Variants in RFX2 observed in about 807,000 individuals in gnomAD.
The protein encoded by RFX2 is regulatory factor X2.
Under a neutral mutation model 87.8 loss-of-function variants are expected in RFX2, and 20 were observed. The ratio of observed to expected loss-of-function variants is 0.23; its 90% CI spans 0.16 to 0.33. The LOEUF (loss-of-function observed/expected upper bound fraction) is 0.33, where lower values mean the gene tolerates loss of function less well. Ranked by LOEUF, RFX2 falls within the 10% of genes least tolerant of loss-of-function variation. The pLI, the probability that RFX2 is intolerant of heterozygous loss-of-function variation, is 1.00. For missense variants in RFX2, 767 were observed against 1,012.3 expected, an observed-to-expected ratio of 0.76 and a Z score of 3.29; for synonymous variants, 397 against 431.3, an observed-to-expected ratio of 0.92 and a Z score of 0.98.
chr19:6,005,662 G>A (rs990728550), intron 12 of RFX2, among the ~76,000 whole-genome samples: 3 of 152,226 alleles, frequency 2.0e-5, no homozygotes, highest in African/African-American at 4.8e-5. Flanking sequence ...ATCACAGGGT[G>A]GGGCGCTGGG....
chr19:6,109,959 G>A (rs932697296), intron 1 of RFX2, among the ~76,000 whole-genome samples: 1 of 151,058 alleles, frequency 6.6e-6, no homozygotes, highest in Non-Finnish European at 1.5e-5. Context: ...GTAAAAGAGG[G>A]GTCCTTGGGT....
At chr19:6,096,888 G>T (rs2088038032) in intron 1 of RFX2, among the ~76,000 whole-genome samples, 1 of 152,214 alleles carries the variant, frequency 6.6e-6, no homozygotes, top group African/African-American at 2.4e-5. Flanking sequence ...TAAGGCCATT[G>T]TTGAGGGCAG....
At chr19:6,019,509 A>AGT (rs1363381067) in intron 6 of RFX2, among the ~76,000 whole-genome samples, 71 of 69,908 alleles carry the variant, frequency 1.0e-3, no homozygotes, top group East Asian at 4.0e-3. Flanking sequence ...TTAGTGTGTG[A>AGT]GTATGTGTGT....
In RFX2 at chr19:6,044,275, A is replaced by G. The variant is rs1363983138; in HGVS notation, c.98T>C (p.Leu33Ser). 1 of 1,553,274 alleles carries G rather than the reference A, an allele frequency of 6.4e-7. No individual in the cohort carries two copies. Among genetic ancestry groups the G allele is most frequent in the Non-Finnish European group, 8.7e-7 (1 of 1,148,846 alleles). ...GGGATTGGAGCTGGCTGCCTGGACC[A>G]ACACCCTCTAAAAGGGAAGGGAGAG... ...PPVPASPQRV[L>S]VQAASSNPKG... is the part of the protein sequence containing the mutation. The change falls in exon 3 of 18, where the codon TTG becomes TCG. Residue 33 changes from leucine to serine, a missense_variant. By Grantham distance (145) the Leu-to-Ser change is moderately radical. Coordinates refer to ENST00000303657, the MANE Select transcript of RFX2 (RefSeq NM_000635.4). The surrounding 1 kb of genome is among the most constrained non-coding windows in gnomAD (Gnocchi z 5.3).
At chr19:6,057,352 G>A (rs528575906) in intron 1 of RFX2, 2 of 152,476 alleles carry the variant, frequency 1.3e-5, no homozygotes, top group East Asian at 3.9e-4. Flanking sequence ...CCATCACCTA[G>A]TAACCAGCAA....
At position 6,017,702 on chromosome 19, in the gene RFX2, C is replaced by T. The variant is rs944424361; in HGVS notation, c.598-1431G>A. Among the ~76,000 whole-genome samples the T allele has an allele frequency of 6.6e-6, 1 of 152,120 alleles. No individual in the cohort carries two copies. The highest frequency in any genetic ancestry group is 1.5e-5 in the Non-Finnish European group (1 of 68,020). ...TCCGAAGGGCTCCTGCTGCCTGGGC[C>T]CTTCAGAGTGGGCAGTGCTGGGTCC... On this transcript the variant is annotated intron_variant, in intron 6 of 17. Transcript: ENST00000303657. The surrounding 1 kb of genome is among the most constrained non-coding windows in gnomAD (Gnocchi z 4.1).
intron 1 of RFX2, among the ~76,000 whole-genome samples, chr19:6,106,111 G>A (rs1387964371): frequency 6.6e-6 from 1 of 152,020 alleles, no homozygotes; most frequent in Admixed American, 6.5e-5. Context: ...CTTCATTCTG[G>A]GTCTTCCCCT....
chr19:5,995,569 G>A (rs780136159), intron 17 of RFX2, 32 bp downstream of exon 17: 23 of 1,549,720 alleles, frequency 1.5e-5, no homozygotes, highest in Non-Finnish European at 1.8e-5. Context: ...CTCCTGGGAG[G>A]GTCGTGGTGG....
Position 6,044,046 on chromosome 19 carries a change from C to T in RFX2, c.180+147G>A, listed in dbSNP as rs988884393. 2.3e-6 allele frequency: 1 copy of T among 428,842 alleles called. No homozygotes were observed. Among genetic ancestry groups the T allele is most frequent in the African/African-American group, 2.0e-5 (1 of 48,810 alleles). 26.6% of individuals were successfully genotyped at this position (428,842 alleles called of 1,614,324 possible). Reference sequence around the variant, plus strand: ...AAATGATTTTTTTAAAATTGCACAGCTTCTGGAAAAGTCTTTTGGCTAAGA... The same window carrying T: ...AAATGATTTTTTTAAAATTGCACAGTTTCTGGAAAAGTCTTTTGGCTAAGA... On this transcript the variant is annotated intron_variant, in intron 3 of 17. Transcript: ENST00000303657. The surrounding 1 kb of genome is among the most constrained non-coding windows in gnomAD (Gnocchi z 5.3).
rs891669065 is a variant in RFX2 at position 5,993,276 on chromosome 19, A to C, written c.*1559T>G. ...AGGAGAGGAGATGTATATTTTAAAGACATTCTTTCTGTCTGATTTCAACTA... is the reference window on the plus strand; with the variant it reads ...AGGAGAGGAGATGTATATTTTAAAGCCATTCTTTCTGTCTGATTTCAACTA... On this transcript the variant is annotated 3_prime_UTR_variant, in exon 18 of 18. Transcript: ENST00000303657. The C allele has an allele frequency of 1.3e-5, 2 of 152,200 alleles. No homozygotes were observed. Among genetic ancestry groups the C allele is most frequent in the Non-Finnish European group, 2.9e-5 (2 of 68,030 alleles). 9.4% of individuals were successfully genotyped at this position (152,200 alleles called of 1,614,324 possible). A position where few individuals can be genotyped will look rare whatever the true frequency, so the allele number is the denominator to read the frequency against.
chr19:6,040,049 A>G lies in RFX2; in HGVS notation c.453T>C (p.Tyr151=). The change falls in exon 5 of 18, where the codon TAT becomes TAC. Residue 151 remains tyrosine, a synonymous_variant. Transcript: ENST00000303657. The surrounding 1 kb of genome is among the most constrained non-coding windows in gnomAD (Gnocchi z 6.1). ...GSPIVSSAGA[Y]LIHGGMDSTR... ...TGCTGTCCATCCCCCCGTGGATGAG[A>G]TAGGCTCCCGCGCTGGAGACGATGG... is the stretch of plus-strand genomic sequence containing the variant. 1 of 1,611,130 alleles carries G rather than the reference A, an allele frequency of 6.2e-7. No individual in the cohort carries two copies. The highest frequency in any genetic ancestry group is 1.7e-5 in the Admixed American group (1 of 59,698).
chr19:6,035,850 G>GTGTGTGTGT lies in RFX2; in HGVS notation c.522+4129_522+4130insACACACACA, dbSNP rs1555776253. On this transcript the variant is annotated intron_variant, in intron 5 of 17. Coordinates refer to ENST00000303657, the MANE Select transcript of RFX2 (RefSeq NM_000635.4). ...ATGACTCCCCCAGAGCTTGGTGGGG[G>GTGTGTGTGT]GTGTGTGTGTGTGTGTGTGTGTGTG... is the stretch of plus-strand genomic sequence containing the variant. 7.5e-3 allele frequency among the ~76,000 whole-genome samples: 1,026 copies of GTGTGTGTGT among 137,226 alleles called. 8 individuals carry two copies. Among genetic ancestry groups the GTGTGTGTGT allele is most frequent in the Middle Eastern group, 0.016 (4 of 246 alleles). The allele number at this position is 137,226 out of a possible 152,430, so 90.0% of individuals were successfully genotyped here. A position where few individuals can be genotyped will look rare whatever the true frequency, so the allele number is the denominator to read the frequency against.
At chr19:6,071,398 A>G (rs2087604500) in intron 1 of RFX2, among the ~76,000 whole-genome samples, 1 of 151,898 alleles carries the variant, frequency 6.6e-6, no homozygotes, top group South Asian at 2.1e-4. Context: ...GTGATCGTCT[A>G]TCTTTGAGGC....
intron 1 of RFX2, among the ~76,000 whole-genome samples, chr19:6,096,422 G>A (rs535632857): frequency 1.3e-5 from 2 of 148,564 alleles, no homozygotes; most frequent in South Asian, 2.1e-4. Flanking sequence ...GCACACTCTC[G>A]TTTTTGTTTT....
At position 6,046,726 on chromosome 19, in the gene RFX2, G is replaced by C. The variant is rs912593809; in HGVS notation, c.90+681C>G. On this transcript the variant is annotated intron_variant, in intron 2 of 17. Transcript: ENST00000303657. The stretch of plus-strand genomic sequence containing the variant: ...TCCTTCCACCATAGCCTCCTGAGTA[G>C]CTGGGACCACAGGACGTGCACCACT... Among the ~76,000 whole-genome samples the C allele has an allele frequency of 5.4e-5, 8 of 147,618 alleles. No individual in the cohort carries two copies. The East Asian group carries it at 1.4e-3, about 26-fold the overall frequency.
chr19:6,038,349 A>C (rs539140697), intron 5 of RFX2, among the ~76,000 whole-genome samples: 1 of 149,790 alleles, frequency 6.7e-6, no homozygotes, highest in African/African-American at 2.4e-5. Context: ...AAAAAAAAAA[A>C]AAACCCAAAA....
At chr19:6,037,800 G>T (rs1364366093) in intron 5 of RFX2, among the ~76,000 whole-genome samples, 1 of 152,064 alleles carries the variant, frequency 6.6e-6, no homozygotes, top group Non-Finnish European at 1.5e-5. Flanking sequence ...ACTTGTAAAG[G>T]GATAGGCAGA....
At chr19:6,054,532 C>A (rs2087307261) in intron 1 of RFX2, among the ~76,000 whole-genome samples, 4 of 152,050 alleles carry the variant, frequency 2.6e-5, no homozygotes, top group Admixed American at 2.0e-4. Context: ...ATAACCCACA[C>A]TTAGATTATC....
rs147935634 is a variant in RFX2 at position 6,104,842 on chromosome 19, T to C, written c.-9+5551A>G. On this transcript the variant is annotated intron_variant, in intron 1 of 17. Coordinates refer to ENST00000303657, the MANE Select transcript of RFX2 (RefSeq NM_000635.4). ...TTCTCAGCCCTGGGGATATAGAAGTTAATAAAACAGCTCATGCCTGTAATC... is the reference window on the plus strand; with the variant it reads ...TTCTCAGCCCTGGGGATATAGAAGTCAATAAAACAGCTCATGCCTGTAATC... 8.3e-3 allele frequency among the ~76,000 whole-genome samples: 1,262 copies of C among 151,884 alleles called. 15 individuals carry two copies. Among genetic ancestry groups the C allele is most frequent in the African/African-American group, 0.029 (1,204 of 41,430 alleles).
Sources: gnomAD v4.1 joint callset for allele counts (sites outside exome capture counted in the v4.1 genomes callset) on GRCh38, gnomAD v4.1.1 for gene constraint, Gnocchi (gnomAD v3.1) non-coding constraint, MANE v1.5 for transcripts, NCBI Gene and HGNC (gene_info 2026-07-23, HGNC 2026-07-21) for gene names.